Variants in AGMO observed in about 807,000 individuals in gnomAD.
AGMO encodes alkylglycerol monooxygenase.
A neutral mutation model predicts 60.2 loss-of-function variants in AGMO; 75 were observed. That is an observed-to-expected ratio of 1.25 (90% CI 1.03 to 1.51). AGMO has a LOEUF of 1.51. AGMO is among the 40% of genes most tolerant of loss of function. AGMO has a pLI of 0.00. For synonymous variants in AGMO, 261 were observed against 177.1 expected, an observed-to-expected ratio of 1.47 and a Z score of -3.76; for missense variants, 763 against 525.5, an observed-to-expected ratio of 1.45 and a Z score of -4.42.
At chr7:15,368,839 CT>C (rs774014799) in intron 10 of AGMO, among the ~76,000 whole-genome samples, 3 of 149,924 alleles carry the variant, frequency 2.0e-5, no homozygotes, top group African/African-American at 7.3e-5. Flanking sequence ...ACAAATAACT[CT>C]TTACCAAACT....
At chr7:15,457,783 AGT>A (rs1171392881) in intron 3 of AGMO, among the ~76,000 whole-genome samples, 5 of 152,146 alleles carry the variant, frequency 3.3e-5, no homozygotes, top group Non-Finnish European at 5.9e-5. Context: ...AAATCTGAAG[AGT>A]ACCTTACACC....
chr7:15,258,172 G>A (rs1225817213), intron 12 of AGMO, among the ~76,000 whole-genome samples: 2 of 152,112 alleles, frequency 1.3e-5, no homozygotes, highest in African/African-American at 2.4e-5. Context: ...CTTTAGTTAT[G>A]AGCCAATATC....
intron 10 of AGMO, among the ~76,000 whole-genome samples, chr7:15,378,663 C>T (rs1783553574): frequency 6.6e-6 from 1 of 151,750 alleles, no homozygotes; most frequent in Non-Finnish European, 1.5e-5. Context: ...AGATATGCAG[C>T]ACCTGAACTC....
chr7:15,286,601 G>C lies in AGMO; in HGVS notation c.1263+78913C>G, dbSNP rs551305904. 4.6e-5 allele frequency among the ~76,000 whole-genome samples: 7 copies of C among 152,176 alleles called. No homozygotes were observed. The East Asian group carries it at 1.4e-3, about 29-fold the overall frequency. ...AGATGTTTGTGCAGGTATGGTGAAA[G>C]GGAATGCTCATACACTGCTGGTGGG... On this transcript the variant is annotated intron_variant, in intron 12 of 12. Transcript: ENST00000342526.
the AGMO span, among the ~76,000 whole-genome samples, chr7:15,177,860 A>G: frequency 6.6e-6 from 1 of 152,148 alleles, no homozygotes; most frequent in Non-Finnish European, 1.5e-5. Flanking sequence ...AAATCAATAA[A>G]GAGTGTTTAC....
intron 12 of AGMO, among the ~76,000 whole-genome samples, chr7:15,363,948 A>G (rs530607617): frequency 3.9e-4 from 59 of 152,094 alleles, no homozygotes; most frequent in African/African-American, 1.4e-3. Context: ...TTCAGCATGT[A>G]TATTTCTGAA....
chr7:15,259,420 C>G (rs772647236), intron 12 of AGMO, among the ~76,000 whole-genome samples: 2 of 151,932 alleles, frequency 1.3e-5, no homozygotes, highest in East Asian at 3.9e-4. Context: ...GTTAAACATA[C>G]AAACCTAAGA....
chr7:15,339,202 A>G (rs570735995), intron 12 of AGMO, among the ~76,000 whole-genome samples: 26 of 152,292 alleles, frequency 1.7e-4, no homozygotes, highest in Admixed American at 3.9e-4. Flanking sequence ...CATGAGTACT[A>G]GTTGATCAAT....
At chr7:15,436,290 T>C (rs1436018422) in intron 3 of AGMO, among the ~76,000 whole-genome samples, 1 of 149,510 alleles carries the variant, frequency 6.7e-6, no homozygotes, top group Non-Finnish European at 1.5e-5. Flanking sequence ...ACAGTCCCTG[T>C]GCAAGTCCAA....
intron 12 of AGMO, among the ~76,000 whole-genome samples, chr7:15,251,577 C>T (rs779344812): frequency 9.2e-5 from 14 of 152,156 alleles, no homozygotes; most frequent in Non-Finnish European, 1.8e-4. Context: ...GATAGATAAC[C>T]ATTATAAAGC....
the AGMO span, among the ~76,000 whole-genome samples, chr7:15,122,604 C>T: frequency 2.0e-5 from 3 of 152,132 alleles, no homozygotes; most frequent in East Asian, 1.9e-4. Flanking sequence ...TCTTACTCCA[C>T]GTCACTCACA....
At position 15,322,614 on chromosome 7, in the gene AGMO, ATATATAAAT is replaced by A. The variant is rs1187677443; in HGVS notation, c.1263+42891_1263+42899del. ...TATAAATATATATAAATATATATAA[ATATATAAAT>A]ATATATAAATATATATAAATATATA... On this transcript the variant is annotated intron_variant, in intron 12 of 12. Transcript: ENST00000342526. Among the ~76,000 whole-genome samples the A allele has an allele frequency of 3.2e-4, 15 of 46,850 alleles. 3 individuals carry two copies. The highest frequency in any genetic ancestry group is 2.0e-3 in the African/African-American group (15 of 7,610). 30.7% of individuals were successfully genotyped at this position (46,850 alleles called of 152,430 possible). A position where few individuals can be genotyped will look rare whatever the true frequency, so the allele number is the denominator to read the frequency against.
At chr7:15,198,517 T>A (rs1025635692), downstream of AGMO, among the ~76,000 whole-genome samples, 22 of 152,140 alleles carry the variant, frequency 1.4e-4, no homozygotes, top group African/African-American at 5.3e-4. Context: ...CAGAGCCGAT[T>A]TATCAAGACA....
At chr7:15,465,040 C>A (rs1167899591) in intron 3 of AGMO, among the ~76,000 whole-genome samples, 1 of 152,082 alleles carries the variant, frequency 6.6e-6, no homozygotes, top group African/African-American at 2.4e-5. Context: ...GAGAAAGTAG[C>A]TTAGGAAGCA....
chr7:15,484,680 C>T (rs1005060118), intron 3 of AGMO, among the ~76,000 whole-genome samples: 6 of 152,094 alleles, frequency 3.9e-5, no homozygotes, highest in Non-Finnish European at 7.4e-5. Context: ...CGGCAGTAAA[C>T]TGAACTAGTT....
chr7:15,342,483 C>T (rs1466914252), intron 12 of AGMO, among the ~76,000 whole-genome samples: 1 of 151,984 alleles, frequency 6.6e-6, no homozygotes, highest in African/African-American at 2.4e-5. Context: ...CCAACCATCC[C>T]TTTTCCCTCC....
the AGMO span, among the ~76,000 whole-genome samples, chr7:15,150,536 G>C: frequency 6.6e-6 from 1 of 151,998 alleles, no homozygotes; most frequent in Non-Finnish European, 1.5e-5. Context: ...TTTATTGAAA[G>C]CCTTTTTGTG....
intron 12 of AGMO, among the ~76,000 whole-genome samples, chr7:15,302,263 T>C (rs921641713): frequency 3.3e-5 from 5 of 152,098 alleles, no homozygotes; most frequent in Admixed American, 6.6e-5. Context: ...AAATAAACAT[T>C]CTTTGGGAAA....
chr7:15,386,578 G>T (rs1282007199), intron 9 of AGMO, among the ~76,000 whole-genome samples: 1 of 152,146 alleles, frequency 6.6e-6, no homozygotes, highest in Admixed American at 6.5e-5. Flanking sequence ...AGCGGCGTTG[G>T]TAACTGAATG....
Sources: gnomAD v4.1 joint callset for allele counts (sites outside exome capture counted in the v4.1 genomes callset) on GRCh38, gnomAD v4.1.1 for gene constraint, MANE v1.5 for transcripts, NCBI Gene and HGNC (gene_info 2026-07-23, HGNC 2026-07-21) for gene names.